Variants in SERGEF observed in about 807,000 individuals in gnomAD.
The protein encoded by SERGEF is secretion-regulating guanine nucleotide exchange factor.
In SERGEF, 51 loss-of-function variants were observed where a neutral mutation model predicts 50.0. That is an observed-to-expected ratio of 1.02 (90% confidence interval 0.81 to 1.29). SERGEF has a LOEUF of 1.29. Among genes scored for constraint, SERGEF ranks in the 50% most tolerant of loss-of-function variants. The probability of loss-of-function intolerance (pLI) is 0.00; values close to 1 mark genes in which losing one functional copy is unlikely to be tolerated. For missense variants in SERGEF, 521 were observed against 557.0 expected (o/e 0.94, Z 0.65); for synonymous variants, 205 against 212.4 (o/e 0.97, Z 0.30).
At chr11:17,976,670 CTG>C (rs1853382936) in intron 8 of SERGEF, among the ~76,000 whole-genome samples, 1 of 152,100 alleles carries the variant, frequency 6.6e-6, no homozygotes, top group South Asian at 2.1e-4. Flanking sequence ...AGAGTGCCAT[CTG>C]CCAAAAACCT....
At chr11:18,000,471 T>A (rs1853937449) in intron 5 of SERGEF, 26 bp downstream of exon 5, 4 of 1,498,894 alleles carry the variant, frequency 2.7e-6, no homozygotes, top group Admixed American at 4.3e-5. Flanking sequence ...AAAATAAAAA[T>A]AAAAAAATAA....
At chr11:17,894,586 C>T (rs1267069873) in intron 9 of SERGEF, among the ~76,000 whole-genome samples, 1 of 152,174 alleles carries the variant, frequency 6.6e-6, no homozygotes, top group African/African-American at 2.4e-5. Context: ...GGATATATTT[C>T]ATTCATTTCT....
At chr11:17,818,418 G>A (rs1198448076) in intron 10 of SERGEF, among the ~76,000 whole-genome samples, 3 of 152,062 alleles carry the variant, frequency 2.0e-5, no homozygotes, top group Non-Finnish European at 4.4e-5. Context: ...ACAGTGTGCC[G>A]GGCTCCATAC....
At chr11:17,872,233 T>G (rs1851152874) in intron 10 of SERGEF, among the ~76,000 whole-genome samples, 1 of 151,866 alleles carries the variant, frequency 6.6e-6, no homozygotes, top group Non-Finnish European at 1.5e-5. Context: ...TAGACAGAGA[T>G]GGAGCATGAA....
At chr11:17,922,557 T>G (rs1438339463) in intron 9 of SERGEF, among the ~76,000 whole-genome samples, 1 of 152,210 alleles carries the variant, frequency 6.6e-6, no homozygotes, top group African/African-American at 2.4e-5. Flanking sequence ...GGTGGCAGTT[T>G]CATACTGGTC....
At chr11:17,960,589 A>G (rs1852977565) in intron 8 of SERGEF, among the ~76,000 whole-genome samples, 1 of 152,236 alleles carries the variant, frequency 6.6e-6, no homozygotes, top group Non-Finnish European at 1.5e-5. Flanking sequence ...AGCAGTGCAT[A>G]TTAAATTCTA....
intron 9 of SERGEF, among the ~76,000 whole-genome samples, chr11:17,882,293 C>T: frequency 6.6e-6 from 1 of 151,950 alleles, no homozygotes; most frequent in East Asian, 1.9e-4. Flanking sequence ...GTGGCGGGTG[C>T]CTATGATCCC....
rs1355604955 is a variant in SERGEF at position 17,995,810 on chromosome 11, G to A, written c.608C>T (p.Pro203Leu). 2 of 1,611,686 alleles carry A rather than the reference G, an allele frequency of 1.2e-6. No homozygotes were observed. The highest frequency in any genetic ancestry group is 2.7e-5 in the African/African-American group (2 of 74,858). ...AAGCATCTTACCTGTCACTCTGCTTGGTTCCTTTGCTGTGAAAAACAATGG... is the reference window on the plus strand; with the variant it reads ...AAGCATCTTACCTGTCACTCTGCTTAGTTCCTTTGCTGTGAAAAACAATGG... The part of the protein sequence containing the change: ...TLPLFFTAKE[P>L]SRVTGLENSK... The change falls in exon 6 of 11, where the codon CCA becomes CTA. Residue 203 changes from proline (P) to leucine (L), a missense_variant. Coordinates refer to ENST00000265965, the MANE Select transcript of SERGEF (RefSeq NM_012139.4).
At chr11:17,998,506 TGTTA>T (rs1345791881) in intron 5 of SERGEF, among the ~76,000 whole-genome samples, 26 of 101,368 alleles carry the variant, frequency 2.6e-4, no homozygotes, top group African/African-American at 9.5e-4. Flanking sequence ...TGAGTGTGTG[TGTTA>T]TATATATATA....
intron 10 of SERGEF, among the ~76,000 whole-genome samples, chr11:17,813,666 G>A (rs185231164): frequency 2.0e-5 from 3 of 152,296 alleles, no homozygotes; most frequent in Admixed American, 6.5e-5. Context: ...TAACTAACCT[G>A]TGCCAGAAAG....
chr11:17,975,869 T>C (rs765507503), intron 8 of SERGEF, among the ~76,000 whole-genome samples: 45 of 152,162 alleles, frequency 3.0e-4, no homozygotes, highest in Non-Finnish European at 7.4e-5. Flanking sequence ...CACAGAGCAC[T>C]TCCCACTTCT....
chr11:17,790,334 C>T (rs981166510), intron 10 of SERGEF, among the ~76,000 whole-genome samples: 4 of 149,038 alleles, frequency 2.7e-5, no homozygotes, highest in Non-Finnish European at 6.0e-5. Flanking sequence ...GAATCATTCA[C>T]ATATTTTTTT....
chr11:17,947,148 A>T (rs960604695), intron 9 of SERGEF, among the ~76,000 whole-genome samples: 57 of 152,224 alleles, frequency 3.7e-4, no homozygotes, highest in African/African-American at 1.3e-3. Flanking sequence ...TTCAATAACA[A>T]ATCCCAACCA....
At chr11:17,995,724 C>T in intron 6 of SERGEF, 72 bp downstream of exon 6, 1 of 1,040,904 alleles carries the variant, frequency 9.6e-7, no homozygotes, top group Admixed American at 2.1e-5. Flanking sequence ...TCCATTTAAT[C>T]CTCTTCTGCA....
intron 9 of SERGEF, among the ~76,000 whole-genome samples, chr11:17,917,270 C>T (rs1306682011): frequency 6.6e-6 from 1 of 152,144 alleles, no homozygotes; most frequent in Admixed American, 6.6e-5. Context: ...TTTGCAGCAA[C>T]CTGAATGGGA....
At chr11:17,915,731 G>C (rs1456187567) in intron 9 of SERGEF, among the ~76,000 whole-genome samples, 2 of 152,272 alleles carry the variant, frequency 1.3e-5, no homozygotes, top group Non-Finnish European at 2.9e-5. Flanking sequence ...CCACAGCAAG[G>C]CATGCAGACA....
In SERGEF at chr11:17,901,163, T is replaced by C. The variant is rs79705427; in HGVS notation, c.1012-22919A>G. On this transcript the variant is annotated intron_variant, in intron 9 of 10. Transcript: ENST00000265965. The stretch of plus-strand genomic sequence containing the variant: ...CCAAGTGTGGCCAACCACCAAATCC[T>C]GTAATTCTGCCTTCCTGGTTCTGCT... 9.2e-3 allele frequency among the ~76,000 whole-genome samples: 1,402 copies of C among 152,252 alleles called. 121 individuals are homozygous for C. The East Asian group carries it at 0.2, about 22-fold the overall frequency.
chr11:17,924,831 C>T (rs1426206379), intron 9 of SERGEF, among the ~76,000 whole-genome samples: 4 of 151,966 alleles, frequency 2.6e-5, no homozygotes, highest in Non-Finnish European at 2.9e-5. Context: ...TAATAAATCA[C>T]CTTCCTTCCA....
chr11:17,909,923 A>T lies in SERGEF; in HGVS notation c.1012-31679T>A, dbSNP rs777217094. Among the ~76,000 whole-genome samples, 18 of 152,292 alleles carry T rather than the reference A, an allele frequency of 1.2e-4. No individual in the cohort carries two copies. In the Middle Eastern group the frequency reaches 0.01, roughly 86 times the overall value. On this transcript the variant is annotated intron_variant, in intron 9 of 10. Transcript: ENST00000265965. ...AGTTGCATCCACCCCTTAGGGCCAG[A>T]GACTGAGTGTCCTAGACTAAGTGAG...
Sources: gnomAD v4.1 joint callset for allele counts (sites outside exome capture counted in the v4.1 genomes callset) on GRCh38, gnomAD v4.1.1 for gene constraint, MANE v1.5 for transcripts, NCBI Gene and HGNC (gene_info 2026-07-23, HGNC 2026-07-21) for gene names.